Variants in GSDME observed in about 807,000 individuals in gnomAD.
GSDME encodes the protein gasdermin-E.
A neutral mutation model predicts 47.5 loss-of-function variants in GSDME; 44 were observed. The ratio of observed to expected loss-of-function variants is 0.93; its 90% CI spans 0.73 to 1.19. GSDME has a LOEUF of 1.19. Among genes scored for constraint, GSDME ranks in the 50% most tolerant of loss-of-function variants. The pLI is 0.00. For missense variants in GSDME, 663 were observed against 604.2 expected, an observed-to-expected ratio of 1.10 and a Z score of -1.02; for synonymous variants, 258 against 252.8, an observed-to-expected ratio of 1.02 and a Z score of -0.20.
At chr7:24,771,625 A>G in the GSDME span, among the ~76,000 whole-genome samples, 1 of 152,114 alleles carries the variant, frequency 6.6e-6, no homozygotes. The surrounding 1 kb of genome is among the most constrained non-coding windows in gnomAD (Gnocchi z 4.1). Flanking sequence ...TACAGATTGT[A>G]CCGCTAGTTG....
At position 24,725,172 on chromosome 7, in the gene GSDME, A is replaced by T. The variant is rs116977157; in HGVS notation, c.405-5954T>A. 1.6e-4 allele frequency among the ~76,000 whole-genome samples: 24 copies of T among 152,292 alleles called. No homozygotes were observed. In the East Asian group the frequency reaches 4.6e-3, roughly 29 times the overall value. On this transcript the variant is annotated intron_variant, in intron 3 of 9. Transcript: ENST00000645220. This position sits in a 1 kb window ranked among gnomAD's most constrained non-coding sequence, Gnocchi z 5.1. ...AAACAGACTAACTCAATCTCCTCCT[A>T]GCTGAGCTACTGCTCCAGTCCTGAA... is the stretch of plus-strand genomic sequence containing the variant.
At chr7:24,757,589 C>G (rs1331298506), upstream of GSDME, 5 of 152,276 alleles carry the variant, frequency 3.3e-5, no homozygotes, top group African/African-American at 1.2e-4. This position sits in a 1 kb window ranked among gnomAD's most constrained non-coding sequence, Gnocchi z 5.9. Context: ...GGGCCCGGGC[C>G]AGACCTCCCA....
At chr7:24,764,644 A>ATTTTT in the GSDME span, among the ~76,000 whole-genome samples, 2 of 152,198 alleles carry the variant, frequency 1.3e-5, no homozygotes, top group South Asian at 4.1e-4. The surrounding 1 kb of genome is among the most constrained non-coding windows in gnomAD (Gnocchi z 4.4). Context: ...CAGCCAACTA[A>ATTTTT]GACATGGCTG....
At chr7:24,704,087 G>A (rs1409158709) in intron 8 of GSDME, 1 of 152,228 alleles carries the variant, frequency 6.6e-6, no homozygotes, top group Non-Finnish European at 1.5e-5. Context: ...TGAAAGAACA[G>A]CATCTGCATT....
chr7:24,702,961 A>T (rs1788935993), intron 8 of GSDME, 128 bp from the exon 9 acceptor site: 1 of 728,398 alleles, frequency 1.4e-6, no homozygotes, highest in Admixed American at 2.1e-5. Flanking sequence ...GGTACTCAGC[A>T]GTTGCTGAGT....
the GSDME span, among the ~76,000 whole-genome samples, chr7:24,780,539 C>A: frequency 6.6e-6 from 1 of 152,228 alleles, no homozygotes; most frequent in African/African-American, 2.4e-5. This position sits in a 1 kb window ranked among gnomAD's most constrained non-coding sequence, Gnocchi z 4.1. Context: ...TTTGTACACA[C>A]CCTTCTTGCC....
intron 3 of GSDME, among the ~76,000 whole-genome samples, chr7:24,731,773 C>T (rs7809659): frequency 0.2 from 30,276 of 152,124 alleles, 5,004 homozygotes; most frequent in East Asian, 0.74. Flanking sequence ...AATTCTGGGT[C>T]GTGAAGGTAG....
chr7:24,741,084 C>T (rs1790475070), intron 3 of GSDME, among the ~76,000 whole-genome samples: 1 of 152,246 alleles, frequency 6.6e-6, no homozygotes, highest in East Asian at 1.9e-4. Flanking sequence ...ACTATCTCAC[C>T]TACAGCTGGG....
At chr7:24,718,963 A>G in intron 4 of GSDME, 84 bp downstream of exon 4, 1 of 1,471,926 alleles carries the variant, frequency 6.8e-7, no homozygotes, top group Non-Finnish European at 9.4e-7. Flanking sequence ...GTCCTGACTA[A>G]TGAAGACACC....
chr7:24,726,331 G>T lies in GSDME; in HGVS notation c.405-7113C>A, dbSNP rs867531516. On this transcript the variant is annotated intron_variant, in intron 3 of 9. Coordinates refer to ENST00000645220, the MANE Select transcript of GSDME (RefSeq NM_001127453.2). This position sits in a 1 kb window ranked among gnomAD's most constrained non-coding sequence, Gnocchi z 5.6. ...GGTTTCTTTACCAAAGCATAAAGGA[G>T]GTCCCGGGGATGCCTCCTGCAGAGA... Among the ~76,000 whole-genome samples the T allele has an allele frequency of 3.9e-5, 6 of 152,170 alleles. No individual in the cohort carries two copies. The South Asian group carries it at 6.2e-4, about 16-fold the overall frequency.
Position 24,756,575 on chromosome 7 carries a change from C to G in GSDME, c.-20+821G>C, listed in dbSNP as rs1791024436. ...GGACTTGCCCCACCTGCCTGCGTCT[C>G]GAGGACAGCGACCGCAAGCCATCCA... On this transcript the variant is annotated intron_variant, in intron 1 of 9. Transcript: ENST00000645220. The surrounding 1 kb of genome is among the most constrained non-coding windows in gnomAD (Gnocchi z 4.2). Among the ~76,000 whole-genome samples, 1 of 152,208 alleles carries G rather than the reference C, an allele frequency of 6.6e-6. No homozygotes were observed. Among genetic ancestry groups the G allele is most frequent in the Non-Finnish European group, 1.5e-5 (1 of 68,038 alleles).
rs2128056502 is a variant in GSDME at position 24,726,395 on chromosome 7, C to A, written c.405-7177G>T. ...GCTTTGTCATGCAGACCCCACACTTCAACTCTCCTTCATTCATCTCCACAA... is the reference window on the plus strand; with the variant it reads ...GCTTTGTCATGCAGACCCCACACTTAAACTCTCCTTCATTCATCTCCACAA... On this transcript the variant is annotated intron_variant, in intron 3 of 9. Transcript: ENST00000645220. This position sits in a 1 kb window ranked among gnomAD's most constrained non-coding sequence, Gnocchi z 5.6. 6.6e-6 allele frequency among the ~76,000 whole-genome samples: 1 copy of A among 152,288 alleles called. No individual in the cohort carries two copies. Among genetic ancestry groups the A allele is most frequent in the South Asian group, 2.1e-4 (1 of 4,828 alleles).
chr7:24,707,679 A>G, intron 7 of GSDME: 1 of 313,388 alleles, frequency 3.2e-6, no homozygotes, highest in Non-Finnish European at 5.4e-6. Flanking sequence ...ACAGTAAAGG[A>G]GAAGACACAC....
chr7:24,785,697 C>CA, the GSDME span, among the ~76,000 whole-genome samples: 1 of 152,196 alleles, frequency 6.6e-6, no homozygotes, highest in East Asian at 1.9e-4. Context: ...CCTCATGATC[C>CA]ACCTGCCTTG....
At chr7:24,776,532 A>G in the GSDME span, among the ~76,000 whole-genome samples, 19,276 of 152,148 alleles carry the variant, frequency 0.13, 1,332 homozygotes, top group East Asian at 0.2. Context: ...TTTTATTTTG[A>G]AGCAAATCCT....
intron 1 of GSDME, among the ~76,000 whole-genome samples, chr7:24,753,094 T>G (rs1790908038): frequency 6.6e-6 from 1 of 152,246 alleles, no homozygotes; most frequent in Non-Finnish European, 1.5e-5. Flanking sequence ...TTGCTTTGTT[T>G]ATTAGACTCA....
Position 24,733,804 on chromosome 7 carries a change from CCT to C in GSDME, c.404+10756_404+10757del. On this transcript the variant is annotated intron_variant, in intron 3 of 9. Transcript: ENST00000645220. This position sits in a 1 kb window ranked among gnomAD's most constrained non-coding sequence, Gnocchi z 4.3. Reference sequence around the variant, plus strand: ...ATTTCTAAGGTTTCCAACTCGAGGCCCTGACTCCTGGACAGCATCTCTGGACC... The same window carrying C: ...ATTTCTAAGGTTTCCAACTCGAGGCCGACTCCTGGACAGCATCTCTGGACC... Among the ~76,000 whole-genome samples the C allele has an allele frequency of 6.6e-6, 1 of 152,254 alleles. No homozygotes were observed. Among genetic ancestry groups the C allele is most frequent in the South Asian group, 2.1e-4 (1 of 4,822 alleles).
the GSDME span, among the ~76,000 whole-genome samples, chr7:24,772,374 A>T: frequency 6.6e-6 from 1 of 152,188 alleles, no homozygotes; most frequent in Non-Finnish European, 1.5e-5. This position sits in a 1 kb window ranked among gnomAD's most constrained non-coding sequence, Gnocchi z 4.5. Flanking sequence ...CTTTCCTCAT[A>T]GTAATTTTCT....
At chr7:24,775,934 C>T in the GSDME span, among the ~76,000 whole-genome samples, 3 of 142,068 alleles carry the variant, frequency 2.1e-5, no homozygotes, top group Admixed American at 2.1e-4. Context: ...AATCCCAACA[C>T]TTTCGGAGGC....
Sources: allele counts gnomAD v4.1 joint callset (sites outside exome capture counted in the v4.1 genomes callset), GRCh38; gene constraint gnomAD v4.1.1; non-coding constraint Gnocchi (gnomAD v3.1); transcripts MANE v1.5; gene names NCBI Gene and HGNC (gene_info 2026-07-23, HGNC 2026-07-21).